CD3G: variants seen among roughly 807,000 people sequenced by gnomAD.
CD3G encodes the protein T-cell surface glycoprotein CD3 gamma chain.
In CD3G, 24 loss-of-function variants were observed where a neutral mutation model predicts 28.3. The observed-to-expected ratio is 0.85, with a 90% CI of 0.61 to 1.19. The LOEUF (loss-of-function observed/expected upper bound fraction) is 1.19. CD3G is among the 50% of genes most tolerant of loss of function. CD3G has a pLI of 0.00. For synonymous variants in CD3G, 71 were observed against 75.9 expected, an observed-to-expected ratio of 0.93 and a Z score of 0.34; for missense variants, 211 against 210.0, an observed-to-expected ratio of 1.00 and a Z score of -0.03.
At chr11:118,350,052 T>C in intron 3 of CD3G, 82 bp downstream of exon 3, 1 of 1,018,522 alleles carries the variant, frequency 9.8e-7, no homozygotes, top group Non-Finnish European at 1.5e-6. Flanking sequence ...GGGGTGAAAG[T>C]GGAAATAGAT....
In CD3G at chr11:118,346,909, C is replaced by T. The variant is rs191546578; in HGVS notation, c.56-2118C>T. 2.7e-3 allele frequency among the ~76,000 whole-genome samples: 417 copies of T among 151,710 alleles called. 4 individuals are homozygous for T. Among genetic ancestry groups the T allele is most frequent in the African/African-American group, 9.5e-3 (395 of 41,396 alleles). ...AGAATGAGGGGTCTCTGTCTTCTCT[C>T]GGTCTTCTGACCAGGTGGTCAGGAG... On this transcript the variant is annotated intron_variant, in intron 1 of 6. Transcript: ENST00000532917.
At chr11:118,346,126 T>C (rs1448297078) in intron 1 of CD3G, among the ~76,000 whole-genome samples, 3 of 152,186 alleles carry the variant, frequency 2.0e-5, no homozygotes, top group Admixed American at 1.3e-4. Context: ...GGAGTTCTCA[T>C]GCCAGCCAAT....
chr11:118,349,572 T>G, intron 2 of CD3G, 171 bp from the exon 3 acceptor site: 1 of 672,734 alleles, frequency 1.5e-6, no homozygotes. Flanking sequence ...ATGCAGAATC[T>G]CCCCTCCCCA....
At position 118,349,016 on chromosome 11, in the gene CD3G, T is replaced by C; in HGVS notation, c.56-11T>C. On this transcript the variant is annotated splice_polypyrimidine_tract_variant and intron_variant, in intron 1 of 6. Transcript: ENST00000532917. Reference sequence around the variant, plus strand: ...CCCAGCTAATACTCTATCTCTCTTCTGTCTTTACAGGTACTTTGGCCCAGT... The same window carrying C: ...CCCAGCTAATACTCTATCTCTCTTCCGTCTTTACAGGTACTTTGGCCCAGT... The C allele has an allele frequency of 6.2e-7, 1 of 1,614,138 alleles. No homozygotes were observed. Among genetic ancestry groups the C allele is most frequent in the Non-Finnish European group, 8.5e-7 (1 of 1,179,968 alleles).
chr11:118,345,441 G>C (rs974309651), intron 1 of CD3G, among the ~76,000 whole-genome samples: 1 of 152,216 alleles, frequency 6.6e-6, no homozygotes, highest in Non-Finnish European at 1.5e-5. Flanking sequence ...AGGGTATTGT[G>C]AGTGGAAGCC....
intron 4 of CD3G, chr11:118,350,927 G>T (rs1948404034): frequency 8.3e-7 from 1 of 1,201,438 alleles, no homozygotes; most frequent in African/African-American, 1.7e-5. Flanking sequence ...AGTGGCTCAC[G>T]CCTGTAATCA....
rs1948438561 is a variant in CD3G, at chr11:118,355,063, C to T, written c.*1963C>T. Reference sequence around the variant, plus strand: ...GATTTTCTCCTGTCTTCTTTTTATACTTTTTACAGCTTTATGGTTTTAGCT... The same window carrying T: ...GATTTTCTCCTGTCTTCTTTTTATATTTTTTACAGCTTTATGGTTTTAGCT... On this transcript the variant is annotated 3_prime_UTR_variant, in exon 7 of 7. Transcript: ENST00000532917. 1 of 152,014 alleles carries T rather than the reference C, an allele frequency of 6.6e-6. No individual in the cohort carries two copies. Among genetic ancestry groups the T allele is most frequent in the Admixed American group, 6.5e-5 (1 of 15,272 alleles). 9.4% of individuals were successfully genotyped at this position (152,014 alleles called of 1,614,324 possible). A position where few individuals can be genotyped will look rare whatever the true frequency, so the allele number is the denominator to read the frequency against.
At chr11:118,345,771 AG>A (rs1948350248) in intron 1 of CD3G, among the ~76,000 whole-genome samples, 1 of 152,128 alleles carries the variant, frequency 6.6e-6, no homozygotes, top group Non-Finnish European at 1.5e-5. Flanking sequence ...GGCCACAAAT[AG>A]GTTTATAAAG....
At chr11:118,346,565 C>T (rs932799389) in intron 1 of CD3G, among the ~76,000 whole-genome samples, 11 of 152,052 alleles carry the variant, frequency 7.2e-5, no homozygotes, top group Non-Finnish European at 1.6e-4. Context: ...GCTATAATCC[C>T]AACACTTTGG....
At chr11:118,349,449 C>T (rs2134069320) in intron 2 of CD3G, 3 of 651,404 alleles carry the variant, frequency 4.6e-6, no homozygotes, top group Non-Finnish European at 7.4e-6. Context: ...ATAGTATCTT[C>T]CAAATAACAT....
chr11:118,353,165 T>C lies in CD3G; in HGVS notation c.*65T>C, dbSNP rs1325563929. ...CAGTTCCCAGAATCAAAGCAATGCA[T>C]TTTGGAAAGCTCCTAGCAGAGAGAC... On this transcript the variant is annotated 3_prime_UTR_variant, in exon 7 of 7. Transcript: ENST00000532917. 2 of 152,990 alleles carry C rather than the reference T, an allele frequency of 1.3e-5. No homozygotes were observed. The highest frequency in any genetic ancestry group is 2.9e-5 in the Non-Finnish European group (2 of 68,614). The allele number at this position is 152,990 out of a possible 1,614,324, so 9.5% of individuals were successfully genotyped here.
rs1033168656 is a variant in CD3G at position 118,354,310 on chromosome 11, T to C, written c.*1210T>C. Reference sequence around the variant, plus strand: ...CTTTTCTTTTCTTTTTTTTCTTTTTTTTTTTTTTTTGAAGTGGAATCTTGC... The same window carrying C: ...CTTTTCTTTTCTTTTTTTTCTTTTTCTTTTTTTTTTGAAGTGGAATCTTGC... On this transcript the variant is annotated 3_prime_UTR_variant, in exon 7 of 7. Transcript: ENST00000532917. 6.7e-6 allele frequency: 1 copy of C among 149,112 alleles called. No homozygotes were observed. Among genetic ancestry groups the C allele is most frequent in the African/African-American group, 2.5e-5 (1 of 40,348 alleles). 9.2% of individuals were successfully genotyped at this position (149,112 alleles called of 1,614,324 possible). A position where few individuals can be genotyped will look rare whatever the true frequency, so the allele number is the denominator to read the frequency against.
At position 118,344,407 on chromosome 11, in the gene CD3G, G is replaced by A. The variant is rs145293635; in HGVS notation, c.-17G>A. ...CTAAGGGCTGCTCCACGCTTTTGCC[G>A]GAGGACAGAGACTGACATGGAACAG... On this transcript the variant is annotated 5_prime_UTR_variant, in exon 1 of 7. Coordinates refer to ENST00000532917, the MANE Select transcript of CD3G (RefSeq NM_000073.3). The A allele has an allele frequency of 1.5e-5, 23 of 1,561,984 alleles. No individual in the cohort carries two copies. Among genetic ancestry groups the A allele is most frequent in the Admixed American group, 3.9e-5 (2 of 51,894 alleles).
In CD3G at chr11:118,353,223, G is replaced by A. The variant is rs201088066; in HGVS notation, c.*123G>A. On this transcript the variant is annotated 3_prime_UTR_variant, in exon 7 of 7. Transcript: ENST00000532917. Reference sequence around the variant, plus strand: ...CCTAAATCTAGACTCAAGGTTCCCAGAGATGACAAATGGAGAAGAAAGGCC... The same window carrying A: ...CCTAAATCTAGACTCAAGGTTCCCAAAGATGACAAATGGAGAAGAAAGGCC... 6.6e-6 allele frequency: 1 copy of A among 152,122 alleles called. No homozygotes were observed. The highest frequency in any genetic ancestry group is 1.5e-5 in the Non-Finnish European group (1 of 68,038). 9.4% of individuals were successfully genotyped at this position (152,122 alleles called of 1,614,324 possible). A position where few individuals can be genotyped will look rare whatever the true frequency, so the allele number is the denominator to read the frequency against.
intron 5 of CD3G, 38 bp from the exon 6 acceptor site, chr11:118,352,366 A>T: frequency 6.5e-7 from 1 of 1,544,744 alleles, no homozygotes. Flanking sequence ...TTAATAGAGG[A>T]TGGAAAAAAT....
rs1369757257 is a variant in CD3G, at chr11:118,351,863, T to C, written c.483+192T>C. Among the ~76,000 whole-genome samples, 3 of 151,324 alleles carry C rather than the reference T, an allele frequency of 2.0e-5. No homozygotes were observed. In the Admixed American group the frequency reaches 2.0e-4, roughly 10 times the overall value. ...GACAGAGACTGAGGTCAGGATCTAG[T>C]GAGCACAAGTTGAAGAACACACTGA... On this transcript the variant is annotated intron_variant, in intron 5 of 6. Coordinates refer to ENST00000532917, the MANE Select transcript of CD3G (RefSeq NM_000073.3).
chr11:118,346,307 G>A (rs1948355455), intron 1 of CD3G, among the ~76,000 whole-genome samples: 1 of 151,992 alleles, frequency 6.6e-6, no homozygotes, highest in Admixed American at 6.6e-5. Flanking sequence ...TGTGGTGGTG[G>A]GTGCCTGTAA....
chr11:118,351,676 G>T lies in CD3G; in HGVS notation c.483+5G>T. 6.2e-7 allele frequency: 1 copy of T among 1,613,822 alleles called. No individual in the cohort carries two copies. The highest frequency in any genetic ancestry group is 2.2e-5 in the East Asian group (1 of 44,876). On this transcript the variant is annotated splice_donor_5th_base_variant and intron_variant, in intron 5 of 6. Coordinates refer to ENST00000532917, the MANE Select transcript of CD3G (RefSeq NM_000073.3). ...CCCAATGACCAGCTCTACCAGGTAAGGGGATGAAGAATAAAAGAGACATTG... is the reference window on the plus strand; with the variant it reads ...CCCAATGACCAGCTCTACCAGGTAATGGGATGAAGAATAAAAGAGACATTG...
At chr11:118,348,949 A>G in intron 1 of CD3G, 78 bp from the exon 2 acceptor site, 1 of 1,523,218 alleles carries the variant, frequency 6.6e-7, no homozygotes, top group Non-Finnish European at 9.1e-7. Context: ...CTTGGCCTCA[A>G]ATAACCATGG....
Sources: allele counts gnomAD v4.1 joint callset (sites outside exome capture counted in the v4.1 genomes callset), GRCh38; gene constraint gnomAD v4.1.1; transcripts MANE v1.5; gene names NCBI Gene and HGNC (gene_info 2026-07-23, HGNC 2026-07-21).